The following NCAM2 variants were observed in gnomAD, a reference collection of about 807,000 sequenced individuals.
NCAM2 encodes neural cell adhesion molecule 2, also known as N-CAM-2.
In NCAM2, 30 loss-of-function variants were observed where a neutral mutation model predicts 98.1. The ratio of observed to expected loss-of-function variants is 0.31; its 90% CI spans 0.23 to 0.41. The LOEUF (loss-of-function observed/expected upper bound fraction) is 0.41. NCAM2 is among the 10% of genes least tolerant of loss of function. The probability of loss-of-function intolerance (pLI) is 1.00; values close to 1 mark genes in which losing one functional copy is unlikely to be tolerated. For synonymous variants in NCAM2, 368 were observed against 342.4 expected, an observed-to-expected ratio of 1.07 and a Z score of -0.83; for missense variants, 867 against 1,005.8, an observed-to-expected ratio of 0.86 and a Z score of 1.87.
chr21:21,402,239 G>A (rs943367912), intron 9 of NCAM2, among the ~76,000 whole-genome samples: 1 of 152,100 alleles, frequency 6.6e-6, no homozygotes, highest in Admixed American at 6.6e-5. Context: ...AAGTAGGAGA[G>A]ATATGGCTAA....
chr21:21,090,987 T>G (rs972470254), intron 1 of NCAM2, among the ~76,000 whole-genome samples: 4 of 152,210 alleles, frequency 2.6e-5, no homozygotes, highest in African/African-American at 9.7e-5. Context: ...TGGATGTCTG[T>G]AAGTTATTTC....
intron 12 of NCAM2, among the ~76,000 whole-genome samples, chr21:21,455,287 GT>G (rs1290450174): frequency 5.5e-5 from 8 of 146,370 alleles, no homozygotes; most frequent in African/African-American, 2.0e-4. Flanking sequence ...CAGATCAAAA[GT>G]TATTGGAATA....
chr21:21,312,528 T>G (rs2074088644), intron 5 of NCAM2, among the ~76,000 whole-genome samples: 1 of 151,642 alleles, frequency 6.6e-6, no homozygotes, highest in African/African-American at 2.4e-5. Context: ...AAAGAAACTG[T>G]TTGCTGATAA....
chr21:21,391,686 C>T (rs2076383409), intron 9 of NCAM2, among the ~76,000 whole-genome samples: 1 of 152,148 alleles, frequency 6.6e-6, no homozygotes. Context: ...TGAAAAATTT[C>T]CTGCCCTTGG....
At chr21:21,512,038 T>C (rs556127119) in intron 16 of NCAM2, among the ~76,000 whole-genome samples, 7 of 152,062 alleles carry the variant, frequency 4.6e-5, no homozygotes, top group Non-Finnish European at 2.9e-5. Flanking sequence ...GTCCTCCTAT[T>C]CTGTGGGTTG....
At chr21:21,393,821 A>G (rs960939826) in intron 9 of NCAM2, among the ~76,000 whole-genome samples, 1 of 152,210 alleles carries the variant, frequency 6.6e-6, no homozygotes, top group African/African-American at 2.4e-5. Flanking sequence ...CATAACCAAT[A>G]GAAGACAAAT....
At chr21:21,124,990 T>TA (rs2066757041) in intron 1 of NCAM2, among the ~76,000 whole-genome samples, 1 of 152,134 alleles carries the variant, frequency 6.6e-6, no homozygotes, top group Admixed American at 6.6e-5. Context: ...AAGCCAGAAA[T>TA]ATAAGCTAAA....
rs140490995 is a variant in NCAM2 at position 21,479,554 on chromosome 21, A to T, written c.2077+2083A>T. On this transcript the variant is annotated intron_variant, in intron 15 of 17. Transcript: ENST00000400546. Reference sequence around the variant, plus strand: ...AGCCGAGACCGCGCCACTGCACTCCAGCCTGGGAGACAGAGCGAGACTGCG... The same window carrying T: ...AGCCGAGACCGCGCCACTGCACTCCTGCCTGGGAGACAGAGCGAGACTGCG... Among the ~76,000 whole-genome samples, 1,105 of 141,344 alleles carry T rather than the reference A, an allele frequency of 7.8e-3. 12 individuals carry two copies. The highest frequency in any genetic ancestry group is 0.028 in the African/African-American group (1,056 of 37,744). 92.7% of individuals were successfully genotyped at this position (141,344 alleles called of 152,430 possible). A position where few individuals can be genotyped will look rare whatever the true frequency, so the allele number is the denominator to read the frequency against.
chr21:21,257,698 T>C (rs917871802), intron 1 of NCAM2, among the ~76,000 whole-genome samples: 4 of 152,098 alleles, frequency 2.6e-5, no homozygotes, highest in African/African-American at 4.8e-5. Context: ...TTCTCCTGCC[T>C]AAACCTCCTG....
chr21:21,498,192 AC>A (rs1987380367), intron 15 of NCAM2, among the ~76,000 whole-genome samples: 2 of 152,158 alleles, frequency 1.3e-5, no homozygotes, highest in African/African-American at 4.8e-5. Context: ...CCAACTGGCC[AC>A]ACACAATCCA....
rs764097299 is a variant in NCAM2, at chr21:21,508,808, C to CTTT, written c.2078-13_2078-11dup. 8.2e-4 allele frequency: 340 copies of CTTT among 413,060 alleles called. 3 individuals carry two copies. Among genetic ancestry groups the CTTT allele is most frequent in the Admixed American group, 1.7e-3 (23 of 13,752 alleles). 25.6% of individuals were successfully genotyped at this position (413,060 alleles called of 1,614,324 possible). ...ATTTAGAGGTTTAATACTTTTTTTC[C>CTTT]TTTTTTTTTTTTTTTTTTTTTTTTT... On this transcript the variant is annotated intron_variant, in intron 15 of 17. Transcript: ENST00000400546.
chr21:21,272,984 T>C (rs116858587), intron 1 of NCAM2, among the ~76,000 whole-genome samples: 6 of 143,242 alleles, frequency 4.2e-5, no homozygotes, highest in South Asian at 2.3e-4. Flanking sequence ...TTCACACACA[T>C]ACACACACAC....
intron 16 of NCAM2, among the ~76,000 whole-genome samples, chr21:21,524,205 G>A (rs1270877855): frequency 6.6e-6 from 1 of 151,804 alleles, no homozygotes; most frequent in African/African-American, 2.4e-5. Flanking sequence ...GTTTCTAAAC[G>A]GGTATTACCT....
intron 12 of NCAM2, among the ~76,000 whole-genome samples, chr21:21,442,467 G>T (rs1200394870): frequency 6.6e-6 from 1 of 152,142 alleles, no homozygotes; most frequent in Non-Finnish European, 1.5e-5. Flanking sequence ...GAAAAACTAG[G>T]TGCATCTTGT....
At chr21:21,330,124 T>G (rs2074631361) in intron 6 of NCAM2, among the ~76,000 whole-genome samples, 1 of 152,086 alleles carries the variant, frequency 6.6e-6, no homozygotes, top group South Asian at 2.1e-4. Context: ...TTATTTCTTT[T>G]TTGTTTCCTA....
At chr21:21,459,752 G>A (rs887251081) in intron 12 of NCAM2, among the ~76,000 whole-genome samples, 1 of 151,584 alleles carries the variant, frequency 6.6e-6, no homozygotes, top group African/African-American at 2.4e-5. Context: ...AGAAATGTTG[G>A]TCAAGGGATA....
chr21:21,435,514 T>C (rs1978301319), intron 12 of NCAM2, among the ~76,000 whole-genome samples: 1 of 151,990 alleles, frequency 6.6e-6, no homozygotes, highest in African/African-American at 2.4e-5. Context: ...TTGCGGGGAG[T>C]GGGAAGGACA....
intron 15 of NCAM2, among the ~76,000 whole-genome samples, chr21:21,503,876 ATTC>A (rs1025351297): frequency 6.6e-6 from 1 of 151,938 alleles, no homozygotes; most frequent in African/African-American, 2.4e-5. Flanking sequence ...TAAATTATTT[ATTC>A]TTATTCAATT....
intron 5 of NCAM2, among the ~76,000 whole-genome samples, chr21:21,316,150 A>G (rs1409713406): frequency 6.6e-6 from 1 of 152,192 alleles, no homozygotes; most frequent in Non-Finnish European, 1.5e-5. Context: ...TTCTTAGTTA[A>G]TGGGATAAAA....
Sources: allele counts gnomAD v4.1 joint callset (sites outside exome capture counted in the v4.1 genomes callset), GRCh38; gene constraint gnomAD v4.1.1; transcripts MANE v1.5; gene names NCBI Gene and HGNC (gene_info 2026-07-23, HGNC 2026-07-21).